CSRNP3: variants seen among roughly 807,000 people sequenced by gnomAD.
CSRNP3 encodes cysteine/serine-rich nuclear protein 3.
In CSRNP3, 12 loss-of-function variants were observed where a neutral mutation model predicts 48.0. The ratio of observed to expected loss-of-function variants is 0.25; its 90% CI spans 0.16 to 0.41. CSRNP3 has a LOEUF of 0.41. CSRNP3 is among the 10% of genes least tolerant of loss of function. The probability of loss-of-function intolerance (pLI) is 1.00; values close to 1 mark genes in which losing one functional copy is unlikely to be tolerated. For synonymous variants in CSRNP3, 263 were observed against 269.7 expected (o/e 0.98, Z 0.24); for missense variants, 580 against 724.4 (o/e 0.80, Z 2.29).
chr2:165,489,945 C>G (rs967339441), intron 1 of CSRNP3, among the ~76,000 whole-genome samples: 26 of 151,374 alleles, frequency 1.7e-4, no homozygotes, highest in African/African-American at 5.8e-4. Context: ...AAGTTCTGGC[C>G]AGGGCAATCA....
At chr2:165,648,728 A>G (rs1686855211) in intron 4 of CSRNP3, among the ~76,000 whole-genome samples, 1 of 152,156 alleles carries the variant, frequency 6.6e-6, no homozygotes, top group Non-Finnish European at 1.5e-5. Flanking sequence ...TGGATGAACA[A>G]TTGCTAGTTT....
chr2:165,645,344 A>T (rs1039017276), intron 4 of CSRNP3, among the ~76,000 whole-genome samples: 44 of 152,070 alleles, frequency 2.9e-4, no homozygotes, highest in African/African-American at 8.5e-4. Context: ...CAAAAAAATA[A>T]AAATAAATAA....
At chr2:165,527,056 A>G (rs1279620729) in intron 3 of CSRNP3, among the ~76,000 whole-genome samples, 3 of 152,196 alleles carry the variant, frequency 2.0e-5, no homozygotes, top group Non-Finnish European at 4.4e-5. Context: ...AAATTATTAA[A>G]TAGCTATGAA....
intron 3 of CSRNP3, among the ~76,000 whole-genome samples, chr2:165,563,859 C>T (rs1477264870): frequency 6.6e-6 from 1 of 152,062 alleles, no homozygotes; most frequent in African/African-American, 2.4e-5. Context: ...TGAAGATCTT[C>T]CTCCAACTTA....
chr2:165,657,597 G>A (rs1292188506), intron 4 of CSRNP3, among the ~76,000 whole-genome samples, 164 bp from the exon 5 acceptor site: 1 of 152,134 alleles, frequency 6.6e-6, no homozygotes, highest in African/African-American at 2.4e-5. Context: ...ATTTAAGAAA[G>A]AAAATTAGAA....
At chr2:165,495,200 G>A (rs1251400775) in intron 2 of CSRNP3, among the ~76,000 whole-genome samples, 1 of 151,988 alleles carries the variant, frequency 6.6e-6, no homozygotes, top group Non-Finnish European at 1.5e-5. Context: ...TCTTCAGCTT[G>A]CTGAAATAAA....
intron 5 of CSRNP3, among the ~76,000 whole-genome samples, chr2:165,661,364 A>T (rs1015855949): frequency 6.6e-6 from 1 of 152,160 alleles, no homozygotes; most frequent in Non-Finnish European, 1.5e-5. Flanking sequence ...CCCACCTTAA[A>T]CATGCTCAGA....
chr2:165,520,783 T>TTATA (rs869287628), intron 3 of CSRNP3, among the ~76,000 whole-genome samples: 29 of 29,582 alleles, frequency 9.8e-4, no homozygotes, highest in South Asian at 4.1e-3. Context: ...TATATATATA[T>TTATA]TATATATATA....
chr2:165,578,422 C>T (rs1685487438), intron 3 of CSRNP3, among the ~76,000 whole-genome samples: 1 of 152,020 alleles, frequency 6.6e-6, no homozygotes, highest in Non-Finnish European at 1.5e-5. Context: ...TTTGAAATCT[C>T]ACTAATATAA....
intron 1 of CSRNP3, among the ~76,000 whole-genome samples, chr2:165,474,467 C>T (rs17248144): frequency 0.072 from 10,995 of 152,120 alleles, 458 homozygotes; most frequent in Middle Eastern, 0.22. Context: ...ATTCCTTGGC[C>T]TATACTCATT....
At chr2:165,481,695 A>G (rs1684044986) in intron 1 of CSRNP3, among the ~76,000 whole-genome samples, 1 of 152,178 alleles carries the variant, frequency 6.6e-6, no homozygotes, top group Non-Finnish European at 1.5e-5. Context: ...TTTAGCTCTA[A>G]TACAAGGCAT....
intron 1 of CSRNP3, among the ~76,000 whole-genome samples, chr2:165,492,207 C>G (rs1684222047): frequency 6.6e-6 from 1 of 152,268 alleles, no homozygotes; most frequent in Non-Finnish European, 1.5e-5. Context: ...CTTCTACCTT[C>G]TTTATTGTAG....
intron 3 of CSRNP3, among the ~76,000 whole-genome samples, chr2:165,551,429 A>G (rs1685094294): frequency 6.6e-6 from 1 of 152,200 alleles, no homozygotes; most frequent in Admixed American, 6.5e-5. Context: ...TCTGTCTGCC[A>G]CTGATCTTTC....
chr2:165,624,777 C>A (rs890051992), intron 4 of CSRNP3, among the ~76,000 whole-genome samples: 2 of 152,166 alleles, frequency 1.3e-5, no homozygotes, highest in Non-Finnish European at 2.9e-5. Context: ...TCTTTCACTT[C>A]AGCAGTCTCA....
At chr2:165,510,840 C>A (rs73969264) in intron 2 of CSRNP3, among the ~76,000 whole-genome samples, 1 of 152,212 alleles carries the variant, frequency 6.6e-6, no homozygotes, top group African/African-American at 2.4e-5. Flanking sequence ...GGTTAGAGAT[C>A]TAAATTTTGG....
Position 165,580,145 on chromosome 2 carries a change from G to C in CSRNP3, c.-23-14898G>C, listed in dbSNP as rs181820636. ...GGGTTTCACCACGTTAGCCAGGATG[G>C]TCTCGATCTCCTGACCTCGTGATCC... On this transcript the variant is annotated intron_variant, in intron 3 of 6. Transcript: ENST00000651982. 4.0e-4 allele frequency among the ~76,000 whole-genome samples: 61 copies of C among 152,028 alleles called. 2 individuals are homozygous for C. The South Asian group carries it at 7.5e-3, about 19-fold the overall frequency.
At chr2:165,525,419 T>C (rs1319888230) in intron 3 of CSRNP3, among the ~76,000 whole-genome samples, 1 of 151,958 alleles carries the variant, frequency 6.6e-6, no homozygotes, top group African/African-American at 2.4e-5. Flanking sequence ...GGTAAAGTCA[T>C]GATATCAGTT....
chr2:165,570,349 T>G (rs941233394), intron 3 of CSRNP3, among the ~76,000 whole-genome samples: 3 of 152,042 alleles, frequency 2.0e-5, no homozygotes, highest in Admixed American at 2.0e-4. Flanking sequence ...AGACTCACAA[T>G]TTTACTGGCA....
At position 165,681,730 on chromosome 2, in the gene CSRNP3, T is replaced by TATATATATATAC. The variant is rs1553485818; in HGVS notation, c.*1988_*1989insCATATATATATA. 2 of 74,060 alleles carry TATATATATATAC rather than the reference T, an allele frequency of 2.7e-5. No individual in the cohort carries two copies. The highest frequency in any genetic ancestry group is 2.6e-4 in the Admixed American group (2 of 7,836). The allele number at this position is 74,060 out of a possible 1,614,324, so 4.6% of individuals were successfully genotyped here. ...TTTGTTGAAATCTCAAATATACATA[T>TATATATATATAC]ATATATATATATATATATATATATA... On this transcript the variant is annotated 3_prime_UTR_variant, in exon 7 of 7. Transcript: ENST00000651982.
Sources: allele counts gnomAD v4.1 joint callset (sites outside exome capture counted in the v4.1 genomes callset), GRCh38; gene constraint gnomAD v4.1.1; transcripts MANE v1.5; gene names NCBI Gene and HGNC (gene_info 2026-07-23, HGNC 2026-07-21).